Variants in ZDHHC14 observed in about 807,000 individuals in gnomAD.
ZDHHC14 encodes the protein palmitoyltransferase ZDHHC14.
A neutral mutation model predicts 47.7 loss-of-function variants in ZDHHC14; 16 were observed. The observed-to-expected ratio is 0.34, with a 90% CI of 0.23 to 0.51. The LOEUF is 0.51. Among genes scored for constraint, ZDHHC14 ranks in the 20% least tolerant of loss-of-function variants. The probability of loss-of-function intolerance (pLI) is 0.97; values close to 1 mark genes in which losing one functional copy is unlikely to be tolerated. For synonymous variants in ZDHHC14, 293 were observed against 278.9 expected (o/e 1.05, Z -0.50); for missense variants, 515 against 662.5 (o/e 0.78, Z 2.44).
chr6:157,644,762 G>T (rs571659342), intron 5 of ZDHHC14, among the ~76,000 whole-genome samples: 5 of 152,334 alleles, frequency 3.3e-5, no homozygotes, highest in African/African-American at 1.2e-4. Context: ...ATCCTGTAAT[G>T]TATCGATAGC....
chr6:157,542,919 G>A (rs139672200), intron 2 of ZDHHC14, among the ~76,000 whole-genome samples, 174 bp downstream of exon 2: 1,604 of 152,298 alleles, frequency 0.011, 18 homozygotes, highest in Non-Finnish European at 0.018. Context: ...GAAGAGGTGG[G>A]ATATAAGGCT....
At chr6:157,434,904 G>C (rs1438660069) in intron 1 of ZDHHC14, among the ~76,000 whole-genome samples, 1 of 152,182 alleles carries the variant, frequency 6.6e-6, no homozygotes, top group Non-Finnish European at 1.5e-5. Flanking sequence ...CTTGAGAGAG[G>C]GGATCTGCTC....
intron 1 of ZDHHC14, among the ~76,000 whole-genome samples, chr6:157,512,646 C>G (rs1780535868): frequency 6.6e-6 from 1 of 152,050 alleles, no homozygotes; most frequent in Non-Finnish European, 1.5e-5. Context: ...AGTTCAAGAC[C>G]TGCCTGGGCA....
At chr6:157,526,769 G>A (rs1042269797) in intron 1 of ZDHHC14, among the ~76,000 whole-genome samples, 2 of 152,188 alleles carry the variant, frequency 1.3e-5, no homozygotes, top group Admixed American at 6.5e-5. Context: ...TCTCTGAATG[G>A]ACTGACACAC....
intron 2 of ZDHHC14, 177 bp from the exon 3 acceptor site, chr6:157,592,811 G>T: frequency 7.0e-7 from 1 of 1,421,542 alleles, no homozygotes; most frequent in Non-Finnish European, 9.2e-7. Context: ...AACGAAGGAG[G>T]CCGGGGTCCC....
intron 1 of ZDHHC14, among the ~76,000 whole-genome samples, chr6:157,442,840 T>C (rs1375344671): frequency 6.6e-6 from 1 of 152,208 alleles, no homozygotes; most frequent in East Asian, 1.9e-4. Flanking sequence ...GATTTTATTT[T>C]TTAAATAGCA....
intron 1 of ZDHHC14, among the ~76,000 whole-genome samples, chr6:157,438,951 C>T (rs935040469): frequency 6.6e-6 from 1 of 152,142 alleles, no homozygotes; most frequent in African/African-American, 2.4e-5. Flanking sequence ...CTGAATTCAT[C>T]TAGAATTGAG....
intron 2 of ZDHHC14, among the ~76,000 whole-genome samples, chr6:157,578,702 G>T (rs1433599875): frequency 6.6e-6 from 1 of 152,174 alleles, no homozygotes; most frequent in Non-Finnish European, 1.5e-5. Context: ...TGAGTCTCAC[G>T]AGATCTGATG....
intron 8 of ZDHHC14, among the ~76,000 whole-genome samples, chr6:157,662,469 C>G (rs979315453): frequency 2.0e-5 from 3 of 152,210 alleles, no homozygotes; most frequent in African/African-American, 7.2e-5. Context: ...GGCGTGAGCC[C>G]CCGCGCCCAG....
In ZDHHC14 at chr6:157,382,260, C is replaced by T; in HGVS notation, c.239C>T (p.Ala80Val). 1 of 1,610,608 alleles carries T rather than the reference C, an allele frequency of 6.2e-7. No individual in the cohort carries two copies. Among genetic ancestry groups the T allele is most frequent in the African/African-American group, 1.3e-5 (1 of 74,894 alleles). ...LILVTSGLFF[A>V]FDCPYLAVKI... is the part of the protein sequence containing the mutation. ...CTGGTCACTAGCGGACTCTTCTTCG[C>T]CTTCGAGTAAGTGGTGGCGACCGCT... The change falls in exon 1 of 9, where the codon GCC becomes GTC. Residue 80 changes from alanine to valine, a missense_variant. Physicochemically the swap from Ala to Val is moderately conservative, Grantham distance 64 (BLOSUM62 0). Coordinates refer to ENST00000359775, the MANE Select transcript of ZDHHC14 (RefSeq NM_024630.3).
At chr6:157,485,113 T>TA (rs200066802) in intron 1 of ZDHHC14, among the ~76,000 whole-genome samples, 2 of 151,874 alleles carry the variant, frequency 1.3e-5, no homozygotes, top group African/African-American at 4.8e-5. Context: ...CCAATAAAAA[T>TA]AAATAAAATA....
intron 1 of ZDHHC14, among the ~76,000 whole-genome samples, chr6:157,485,241 G>T (rs560565841): frequency 2.0e-5 from 3 of 152,336 alleles, no homozygotes; most frequent in African/African-American, 7.2e-5. Context: ...GGGCCTGGGG[G>T]TGCCTGTGGT....
At chr6:157,413,885 C>T (rs541996992) in intron 1 of ZDHHC14, among the ~76,000 whole-genome samples, 1 of 151,368 alleles carries the variant, frequency 6.6e-6, no homozygotes, top group African/African-American at 2.4e-5. Context: ...AAGGCCGGGA[C>T]GACACTGCGC....
chr6:157,392,334 T>C (rs1445287830), intron 1 of ZDHHC14, among the ~76,000 whole-genome samples: 1 of 152,212 alleles, frequency 6.6e-6, no homozygotes, highest in Non-Finnish European at 1.5e-5. Context: ...TTGATGCTGA[T>C]TTTTCTTGAT....
At position 157,382,268 on chromosome 6, in the gene ZDHHC14, T is replaced by A; in HGVS notation, c.245+2T>A. On this transcript the variant is annotated splice_donor_variant, in intron 1 of 8. Transcript: ENST00000359775. LOFTEE classifies it high-confidence loss of function. The stretch of plus-strand genomic sequence containing the variant: ...TAGCGGACTCTTCTTCGCCTTCGAG[T>A]AAGTGGTGGCGACCGCTCCCCCGAC... The A allele has an allele frequency of 6.2e-7, 1 of 1,610,042 alleles. No individual in the cohort carries two copies. Among genetic ancestry groups the A allele is most frequent in the Non-Finnish European group, 8.5e-7 (1 of 1,178,328 alleles).
intron 1 of ZDHHC14, among the ~76,000 whole-genome samples, chr6:157,513,561 T>G (rs1002206061): frequency 6.6e-6 from 1 of 152,180 alleles, no homozygotes; most frequent in African/African-American, 2.4e-5. Flanking sequence ...CTCATGGCTG[T>G]TTTTGCTGTT....
chr6:157,642,402 C>A (rs573027153), intron 5 of ZDHHC14, among the ~76,000 whole-genome samples: 1 of 152,218 alleles, frequency 6.6e-6, no homozygotes, highest in Non-Finnish European at 1.5e-5. Flanking sequence ...GGACACAGAG[C>A]CTGCACTTCT....
At chr6:157,590,201 C>T (rs553900400) in intron 2 of ZDHHC14, among the ~76,000 whole-genome samples, 1 of 152,260 alleles carries the variant, frequency 6.6e-6, no homozygotes, top group East Asian at 1.9e-4. Context: ...AACCCATTTT[C>T]TGGGGAGAAA....
intron 1 of ZDHHC14, among the ~76,000 whole-genome samples, chr6:157,512,315 C>T (rs1472646790): frequency 1.3e-5 from 2 of 152,224 alleles, no homozygotes; most frequent in Non-Finnish European, 2.9e-5. Flanking sequence ...CTGACTTGCC[C>T]TCCTCAGAAG....
Sources: gnomAD v4.1 joint callset for allele counts (sites outside exome capture counted in the v4.1 genomes callset) on GRCh38, gnomAD v4.1.1 for gene constraint, MANE v1.5 for transcripts, NCBI Gene and HGNC (gene_info 2026-07-23, HGNC 2026-07-21) for gene names.